The following SCN8A variants were observed in gnomAD, a reference collection of about 807,000 sequenced individuals.
The protein encoded by SCN8A is sodium voltage-gated channel alpha subunit 8, also known as sodium channel protein type 8 subunit alpha.
Under a neutral mutation model 184.1 loss-of-function variants are expected in SCN8A, and 30 were observed. The observed-to-expected ratio is 0.16, with a 90% confidence interval of 0.12 to 0.22. The LOEUF is 0.22. Among genes scored for constraint, SCN8A ranks in the 10% least tolerant of loss-of-function variants. The pLI is 1.00. For missense variants in SCN8A, 1,057 were observed against 2,498.9 expected (o/e 0.42, Z 12.30); for synonymous variants, 852 against 907.0 (o/e 0.94, Z 1.09).
intron 1 of SCN8A, among the ~76,000 whole-genome samples, chr12:51,652,882 A>G (rs1940746279): frequency 6.6e-6 from 1 of 152,216 alleles, no homozygotes; most frequent in African/African-American, 2.4e-5. Flanking sequence ...GAAGACTATA[A>G]GGTCCTTTGA....
At chr12:51,673,756 G>A (rs981220648) in intron 2 of SCN8A, among the ~76,000 whole-genome samples, 1 of 152,154 alleles carries the variant, frequency 6.6e-6, no homozygotes, top group African/African-American at 2.4e-5. Flanking sequence ...TCCCCTTCAC[G>A]GATCTCAGGG....
intron 11 of SCN8A, among the ~76,000 whole-genome samples, chr12:51,721,231 G>C (rs560950257): frequency 6.6e-6 from 1 of 150,800 alleles, no homozygotes. Context: ...TGAGCCCATG[G>C]TAAAAAGAAA....
At chr12:51,798,081 G>A (rs575673725) in intron 26 of SCN8A, among the ~76,000 whole-genome samples, 1 of 152,246 alleles carries the variant, frequency 6.6e-6, no homozygotes. Context: ...AGCATACATG[G>A]CCTTCTGGAG....
intron 26 of SCN8A, among the ~76,000 whole-genome samples, chr12:51,803,606 CA>C (rs1251901859): frequency 2.0e-5 from 3 of 152,118 alleles, no homozygotes; most frequent in Admixed American, 2.0e-4. Flanking sequence ...TCTATGGGGA[CA>C]AACACACATT....
Position 51,774,297 on chromosome 12 carries a change from A to G in SCN8A, c.3754A>G (p.Thr1252Ala), listed in dbSNP as rs1368459456. ...CATCCTGGAGATGTTGCTCAAGTGG[A>G]CAGCCTATGGCTTCGTCAAGTTCTT... ...IFILEMLLKWTAYGFVKFFTN... is the reference protein window; with the variant it reads ...IFILEMLLKWAAYGFVKFFTN... The change falls in exon 20 of 27, where the codon ACA becomes GCA. Residue 1252 changes from threonine (T) to alanine (A), a missense_variant. Around this residue, in one of 19 missense-constraint regions of SCN8A, gnomAD observed 43 missense variants for 118.4 expected, o/e 0.36. Transcript: ENST00000627620. 1 of 1,614,118 alleles carries G rather than the reference A, an allele frequency of 6.2e-7. No homozygotes were observed. Among genetic ancestry groups the G allele is most frequent in the Admixed American group, 1.7e-5 (1 of 60,016 alleles).
intron 6 of SCN8A, among the ~76,000 whole-genome samples, chr12:51,695,179 A>G (rs1463482113): frequency 1.3e-5 from 2 of 152,170 alleles, no homozygotes; most frequent in African/African-American, 4.8e-5. Context: ...AGTGTTATTT[A>G]GTGATTATCC....
intron 1 of SCN8A, among the ~76,000 whole-genome samples, chr12:51,652,286 A>G (rs1940732943): frequency 6.6e-6 from 1 of 152,120 alleles, no homozygotes; most frequent in African/African-American, 2.4e-5. Context: ...AAAACTGTCC[A>G]GTACATCATC....
chr12:51,685,284 G>GAA (rs558202339), intron 3 of SCN8A, among the ~76,000 whole-genome samples: 2 of 150,966 alleles, frequency 1.3e-5, no homozygotes, highest in African/African-American at 4.9e-5. Context: ...CTGTAATGAA[G>GAA]AAAAAAAAAT....
At chr12:51,622,533 T>G (rs965538755) in intron 1 of SCN8A, among the ~76,000 whole-genome samples, 21 of 152,224 alleles carry the variant, frequency 1.4e-4, no homozygotes, top group African/African-American at 4.8e-4. Flanking sequence ...TTTAGGTTTG[T>G]ATGATGTTTT....
chr12:51,613,350 A>T (rs1939765131), intron 1 of SCN8A, among the ~76,000 whole-genome samples: 1 of 152,170 alleles, frequency 6.6e-6, no homozygotes, highest in Admixed American at 6.5e-5. Context: ...TGTGGCTTTC[A>T]AGGAATTGGT....
chr12:51,668,630 G>T (rs57751704), intron 2 of SCN8A, among the ~76,000 whole-genome samples: 1 of 151,988 alleles, frequency 6.6e-6, no homozygotes, highest in East Asian at 1.9e-4. Flanking sequence ...GTGCTTCTGG[G>T]GGAAAGGATT....
At chr12:51,679,132 C>T (rs1164230446) in intron 2 of SCN8A, among the ~76,000 whole-genome samples, 1 of 151,490 alleles carries the variant, frequency 6.6e-6, no homozygotes, top group East Asian at 1.9e-4. Context: ...TGCAGTGGCT[C>T]ACAGCTATAA....
intron 16 of SCN8A, among the ~76,000 whole-genome samples, chr12:51,766,628 C>A (rs1479448963): frequency 2.0e-5 from 3 of 152,200 alleles, no homozygotes; most frequent in African/African-American, 7.2e-5. Flanking sequence ...ATATAAATGA[C>A]AAATCACTTT....
At chr12:51,776,285 T>A (rs565241756) in intron 20 of SCN8A, among the ~76,000 whole-genome samples, 1 of 152,274 alleles carries the variant, frequency 6.6e-6, no homozygotes, top group African/African-American at 2.4e-5. Flanking sequence ...TTTCACAAAC[T>A]TTTTTTATGG....
intron 1 of SCN8A, among the ~76,000 whole-genome samples, chr12:51,608,470 G>A (rs546549815): frequency 1.2e-4 from 19 of 152,096 alleles, no homozygotes; most frequent in African/African-American, 4.6e-4. Flanking sequence ...AAGCTAGGAG[G>A]GTTGTATTTT....
intron 6 of SCN8A, among the ~76,000 whole-genome samples, chr12:51,692,283 A>G (rs1165526517): frequency 6.6e-6 from 1 of 151,786 alleles, no homozygotes; most frequent in Non-Finnish European, 1.5e-5. Flanking sequence ...CCCACCCCCA[A>G]CCTGGGCTGA....
At chr12:51,801,201 C>T (rs1273307624) in intron 26 of SCN8A, among the ~76,000 whole-genome samples, 3 of 152,190 alleles carry the variant, frequency 2.0e-5, no homozygotes, top group African/African-American at 7.2e-5. Context: ...ATGGTAGCTA[C>T]GCCCACCTTG....
At chr12:51,692,771 A>G (rs1006368131) in intron 6 of SCN8A, among the ~76,000 whole-genome samples, 1 of 152,220 alleles carries the variant, frequency 6.6e-6, no homozygotes, top group Non-Finnish European at 1.5e-5. Context: ...CATGTGCCAC[A>G]GGGCTGACAT....
chr12:51,781,457 G>T (rs1937918980), intron 21 of SCN8A, among the ~76,000 whole-genome samples: 1 of 152,032 alleles, frequency 6.6e-6, no homozygotes, highest in South Asian at 2.1e-4. Flanking sequence ...TGACAACCAG[G>T]TATGATGCTA....
Sources: allele counts gnomAD v4.1 joint callset (sites outside exome capture counted in the v4.1 genomes callset), GRCh38; gene constraint gnomAD v4.1.1; regional missense constraint gnomAD v4.1.1; transcripts MANE v1.5; gene names NCBI Gene and HGNC (gene_info 2026-07-23, HGNC 2026-07-21).